NELL1: variants seen among roughly 807,000 people sequenced by gnomAD.
NELL1 encodes neural EGFL like 1.
A neutral mutation model predicts 107.4 loss-of-function variants in NELL1; 76 were observed. The observed-to-expected ratio is 0.71, with a 90% CI of 0.59 to 0.86. NELL1 has a LOEUF of 0.86. Among genes scored for constraint, NELL1 ranks in the 40% least tolerant of loss-of-function variants. NELL1 has a pLI of 0.00. For synonymous variants in NELL1, 353 were observed against 341.2 expected, an observed-to-expected ratio of 1.03 and a Z score of -0.38; for missense variants, 1,024 against 1,005.5, an observed-to-expected ratio of 1.02 and a Z score of -0.25.
intron 12 of NELL1, among the ~76,000 whole-genome samples, chr11:21,103,448 G>A (rs1023656823): frequency 6.6e-6 from 1 of 152,124 alleles, no homozygotes; most frequent in Admixed American, 6.5e-5. Flanking sequence ...TTCCCCAGAG[G>A]TCACCTTCCT....
At position 20,735,801 on chromosome 11, in the gene NELL1, C is replaced by T. The variant is rs75186704; in HGVS notation, c.185-47879C>T. ...ACAAAGAGCAGTAGCTGAATGCTGA[C>T]TTTGGGTTTAGGGAGTTTTTGTTTT... is the stretch of plus-strand genomic sequence containing the variant. On this transcript the variant is annotated intron_variant, in intron 2 of 19. Coordinates refer to ENST00000357134, the MANE Select transcript of NELL1 (RefSeq NM_006157.5). 3.1e-3 allele frequency among the ~76,000 whole-genome samples: 477 copies of T among 152,248 alleles called. 4 individuals are homozygous for T. Among genetic ancestry groups the T allele is most frequent in the African/African-American group, 0.011 (440 of 41,540 alleles).
At chr11:21,270,808 C>G (rs1056925528) in intron 14 of NELL1, among the ~76,000 whole-genome samples, 1 of 152,010 alleles carries the variant, frequency 6.6e-6, no homozygotes, top group Non-Finnish European at 1.5e-5. Context: ...TTTAAAAGAA[C>G]AGAAATTATC....
At chr11:21,036,131 C>G (rs1853086705) in intron 12 of NELL1, among the ~76,000 whole-genome samples, 1 of 152,062 alleles carries the variant, frequency 6.6e-6, no homozygotes, top group Admixed American at 6.6e-5. Flanking sequence ...CAGTCTTATT[C>G]ACAATTGCCA....
chr11:21,461,407 T>C (rs1483991171), intron 15 of NELL1, among the ~76,000 whole-genome samples: 1 of 152,092 alleles, frequency 6.6e-6, no homozygotes, highest in Non-Finnish European at 1.5e-5. Flanking sequence ...TAACCTAGCA[T>C]TTCCTAACAT....
chr11:21,539,786 TG>T (rs1440274579), intron 16 of NELL1, among the ~76,000 whole-genome samples: 1 of 151,462 alleles, frequency 6.6e-6, no homozygotes, highest in Non-Finnish European at 1.5e-5. Context: ...TAGGGTGTGG[TG>T]GGCCAAAAGG....
chr11:21,498,333 T>TTATATATATATATA lies in NELL1; in HGVS notation c.1646-36040_1646-36027dup, dbSNP rs34418018. 2.4e-3 allele frequency among the ~76,000 whole-genome samples: 275 copies of TTATATATATATATA among 113,612 alleles called. 6 individuals carry two copies. In the East Asian group the frequency reaches 0.036, roughly 15 times the overall value. 74.5% of individuals were successfully genotyped at this position (113,612 alleles called of 152,430 possible). ...ATTTTGCTACACATCCATAAACATA[T>TTATATATATATATA]TATATATATATATACATATATATAT... On this transcript the variant is annotated intron_variant, in intron 15 of 19. Coordinates refer to ENST00000357134, the MANE Select transcript of NELL1 (RefSeq NM_006157.5).
chr11:21,435,006 T>A (rs1853070866), intron 15 of NELL1, among the ~76,000 whole-genome samples: 1 of 152,198 alleles, frequency 6.6e-6, no homozygotes, highest in African/African-American at 2.4e-5. Flanking sequence ...ATATAAATAC[T>A]ACTAAGATTT....
At chr11:20,896,649 A>G (rs547722222) in intron 5 of NELL1, among the ~76,000 whole-genome samples, 2 of 152,286 alleles carry the variant, frequency 1.3e-5, no homozygotes, top group African/African-American at 2.4e-5. Flanking sequence ...ACATGATTGT[A>G]TATCTAGAAA....
intron 15 of NELL1, among the ~76,000 whole-genome samples, chr11:21,408,134 C>A (rs1220840814): frequency 6.6e-6 from 1 of 151,926 alleles, no homozygotes; most frequent in Non-Finnish European, 1.5e-5. Context: ...CTTGAGATCC[C>A]AGGTACTTGC....
intron 14 of NELL1, among the ~76,000 whole-genome samples, chr11:21,351,828 G>A (rs1850823741): frequency 6.6e-6 from 1 of 152,146 alleles, no homozygotes; most frequent in Non-Finnish European, 1.5e-5. Context: ...GTCAGAGAGA[G>A]CGTCTATTGA....
At chr11:21,299,984 C>T (rs919278380) in intron 14 of NELL1, among the ~76,000 whole-genome samples, 6 of 151,936 alleles carry the variant, frequency 3.9e-5, no homozygotes, top group African/African-American at 1.4e-4. Flanking sequence ...AGGACAGAAA[C>T]CCCGACCTCT....
At chr11:21,127,650 C>G (rs1047282455) in intron 13 of NELL1, among the ~76,000 whole-genome samples, 1 of 151,758 alleles carries the variant, frequency 6.6e-6, no homozygotes, top group African/African-American at 2.4e-5. Context: ...AGGGGGAGGA[C>G]AGGGAGGAGG....
At chr11:21,059,889 C>T (rs1374766635) in intron 12 of NELL1, among the ~76,000 whole-genome samples, 4 of 152,006 alleles carry the variant, frequency 2.6e-5, no homozygotes, top group African/African-American at 7.2e-5. Context: ...ATAAATATGC[C>T]AATATATTTC....
chr11:20,674,451 T>G, intron 1 of NELL1: 1 of 1,508,308 alleles, frequency 6.6e-7, no homozygotes, highest in South Asian at 1.2e-5. Flanking sequence ...CCAGTATCTT[T>G]TTACACACGG....
rs540994239 is a variant in NELL1 at position 21,407,284 on chromosome 11, C to T, written c.1645+36336C>T. On this transcript the variant is annotated intron_variant, in intron 15 of 19. Transcript: ENST00000357134. ...TACCAAAGTTAGCCAGGCATGATGG[C>T]GCATGCCTGTAGTCCTAACTACTCA... 1.6e-4 allele frequency among the ~76,000 whole-genome samples: 25 copies of T among 151,966 alleles called. No individual in the cohort carries two copies. In the East Asian group the frequency reaches 3.9e-3, roughly 24 times the overall value.
At chr11:21,181,568 T>C (rs1856827455) in intron 13 of NELL1, among the ~76,000 whole-genome samples, 1 of 151,920 alleles carries the variant, frequency 6.6e-6, no homozygotes, top group South Asian at 2.1e-4. Context: ...ATTAGCAATA[T>C]GTACTGATTT....
rs190002900 is a variant in NELL1 at position 21,571,918 on chromosome 11, G to A, written c.2157+978G>A. On this transcript the variant is annotated intron_variant, in intron 18 of 19. Coordinates refer to ENST00000357134, the MANE Select transcript of NELL1 (RefSeq NM_006157.5). The stretch of plus-strand genomic sequence containing the variant: ...TGACATGAATGATTCTCATTTTATG[G>A]GTACTGTATGAAAACAAGTATTCAG... 1.6e-4 allele frequency among the ~76,000 whole-genome samples: 24 copies of A among 151,770 alleles called. No homozygotes were observed. In the East Asian group the frequency reaches 4.7e-3, roughly 30 times the overall value.
At chr11:20,824,753 AGATAATTTAG>A (rs1307626646) in intron 3 of NELL1, among the ~76,000 whole-genome samples, 3 of 151,404 alleles carry the variant, frequency 2.0e-5, no homozygotes, top group African/African-American at 7.2e-5. Flanking sequence ...AATTTGAAAG[AGATAATTTAG>A]GATATCTGGC....
intron 2 of NELL1, among the ~76,000 whole-genome samples, chr11:20,691,205 G>C (rs1033703598): frequency 6.6e-6 from 1 of 152,072 alleles, no homozygotes; most frequent in Non-Finnish European, 1.5e-5. Context: ...GCGTTTTCTA[G>C]ATATGCAATC....
Sources: gnomAD v4.1 joint callset for allele counts (sites outside exome capture counted in the v4.1 genomes callset) on GRCh38, gnomAD v4.1.1 for gene constraint, MANE v1.5 for transcripts, NCBI Gene and HGNC (gene_info 2026-07-23, HGNC 2026-07-21) for gene names.